CUBN: variants seen among roughly 807,000 people sequenced by gnomAD.
CUBN encodes the protein 460 kDa receptor.
A neutral mutation model predicts 405.3 loss-of-function variants in CUBN; 282 were observed. The ratio of observed to expected loss-of-function variants is 0.70; its 90% CI spans 0.63 to 0.77. CUBN has a LOEUF of 0.77. Ranked by LOEUF, CUBN falls within the 30% of genes least tolerant of loss-of-function variation. CUBN has a pLI of 0.00. For synonymous variants in CUBN, 1,684 were observed against 1,617.0 expected (o/e 1.04, Z -0.99); for missense variants, 4,514 against 4,475.2 (o/e 1.01, Z -0.25).
At chr10:16,830,457 C>CT (rs1173102685) in intron 65 of CUBN, among the ~76,000 whole-genome samples, 1 of 152,084 alleles carries the variant, frequency 6.6e-6, no homozygotes. Flanking sequence ...ATTGACATGA[C>CT]TTAAATTTTC....
At chr10:17,017,016 T>C (rs1207592447) in intron 28 of CUBN, among the ~76,000 whole-genome samples, 2 of 152,118 alleles carry the variant, frequency 1.3e-5, no homozygotes, top group Admixed American at 6.5e-5. Flanking sequence ...GGCCAGGCCA[T>C]AGTGCAGAAA....
intron 4 of CUBN, among the ~76,000 whole-genome samples, chr10:17,124,474 G>C (rs1200980393): frequency 2.0e-5 from 3 of 151,388 alleles, no homozygotes; most frequent in East Asian, 1.9e-4. Flanking sequence ...TGTCGCCCAG[G>C]CTGGAGTGCA....
At chr10:17,085,363 C>G (rs999957977) in intron 16 of CUBN, among the ~76,000 whole-genome samples, 2 of 152,126 alleles carry the variant, frequency 1.3e-5, no homozygotes, top group African/African-American at 4.8e-5. Context: ...CCTCATACAT[C>G]TTTATCATGA....
chr10:16,876,633 T>C (rs1353303119), intron 57 of CUBN, among the ~76,000 whole-genome samples: 1 of 152,202 alleles, frequency 6.6e-6, no homozygotes, highest in Non-Finnish European at 1.5e-5. Flanking sequence ...AGCAGTAGTA[T>C]TTATTTAAAT....
chr10:17,111,943 T>C (rs1479061348), intron 8 of CUBN, among the ~76,000 whole-genome samples: 3 of 152,160 alleles, frequency 2.0e-5, no homozygotes, highest in South Asian at 4.1e-4. Context: ...GTTAAAATCA[T>C]ATGGAGGATT....
chr10:16,987,882 C>T (rs1833471468), intron 29 of CUBN, among the ~76,000 whole-genome samples: 1 of 152,160 alleles, frequency 6.6e-6, no homozygotes. Context: ...AAAACTTTCC[C>T]CAAATATTTA....
intron 58 of CUBN, among the ~76,000 whole-genome samples, chr10:16,873,949 C>T (rs1356059933): frequency 1.3e-5 from 2 of 152,256 alleles, no homozygotes; most frequent in East Asian, 3.9e-4. Context: ...ATATATACCT[C>T]ATATGACTGT....
rs116567140 is a variant in CUBN, at chr10:17,101,731, G to A, written c.1530+1394C>T. 2.7e-3 allele frequency among the ~76,000 whole-genome samples: 415 copies of A among 152,120 alleles called. 4 individuals carry two copies. The highest frequency in any genetic ancestry group is 9.2e-3 in the African/African-American group (381 of 41,484). On this transcript the variant is annotated intron_variant, in intron 13 of 66. Coordinates refer to ENST00000377833, the MANE Select transcript of CUBN (RefSeq NM_001081.4). ...TTAATTTGAAGAGCGTTCACGGAGC[G>A]GCTCAGAGTGACAGGCTGTGGAGGT...
Position 16,876,968 on chromosome 10 carries a change from G to A in CUBN, c.9035C>T (p.Pro3012Leu), listed in dbSNP as rs143741363. 3.7e-5 allele frequency: 59 copies of A among 1,614,132 alleles called. No homozygotes were observed. The African/African-American group carries it at 4.7e-4, about 13-fold the overall frequency. ...EMPAPLTIAG[P>L]VLLNFYSNEQ... is the part of the protein sequence containing the mutation. ...GTTGGAGTAGAAGTTAAGCAGAACC[G>A]GCCCAGCGATGGTGAGGGGAGCTGG... Residue 3012 changes from proline to leucine, a missense_variant, in exon 57 of 67, where the codon CCG becomes CTG. Physicochemically the swap from Pro to Leu is moderately conservative, Grantham distance 98. Around this residue, in one of 5 missense-constraint regions of CUBN, gnomAD observed 1,186 missense variants for 1,186.9 expected, o/e 1.00. Coordinates refer to ENST00000377833, the MANE Select transcript of CUBN (RefSeq NM_001081.4).
intron 26 of CUBN, among the ~76,000 whole-genome samples, chr10:17,042,858 AC>A (rs1356349065): frequency 6.6e-6 from 1 of 152,150 alleles, no homozygotes; most frequent in African/African-American, 2.4e-5. Context: ...TAATTTTGTG[AC>A]TTTTAATTCC....
chr10:16,874,456 C>T lies in CUBN; in HGVS notation c.9154G>A (p.Ala3052Thr). 1 of 1,614,082 alleles carries T rather than the reference C, an allele frequency of 6.2e-7. No individual in the cohort carries two copies. Among genetic ancestry groups the T allele is most frequent in the Non-Finnish European group, 8.5e-7 (1 of 1,179,952 alleles). Residue 3052 changes from alanine (A) to threonine (T), a missense_variant, in exon 58 of 67, where the codon GCC becomes ACC. Transcript: ENST00000377833. ...NFSSGIITSP[A>T]YSYADYPNDM... The stretch of plus-strand genomic sequence containing the variant: ...TTTGGGTAGTCTGCGTATGAATAGG[C>T]AGGACTTGTGATGATTCCAGAAGAG...
rs1476161200 is a variant in CUBN, at chr10:17,123,648, A to C, written c.429T>G (p.Asn143Lys). 5 of 1,613,986 alleles carry C rather than the reference A, an allele frequency of 3.1e-6. No individual in the cohort carries two copies. The highest frequency in any genetic ancestry group is 3.4e-6 in the Non-Finnish European group (4 of 1,180,020). Residue 143 changes from asparagine (N) to lysine (K), a missense_variant, in exon 5 of 67, where the codon AAT (asparagine) becomes AAG (lysine). Asn to Lys is a moderately conservative substitution (Grantham distance 94). Around this residue, in one of 5 missense-constraint regions of CUBN, gnomAD observed 1,448 missense variants for 1,388.0 expected, o/e 1.04. Transcript: ENST00000377833. ...CATGCAGATTGAGGCAGGTTCCACC[A>C]TTCTGGCAAGGATTGCTGCTGCAAA... ...KKVCSSNPCQ[N>K]GGTCLNLHDS...
chr10:16,829,039 T>C lies in CUBN; in HGVS notation c.10530A>G (p.Gly3510=). ...TGTCTCCATAAAGAGTTCCACCACA[T>C]CCTGCAAGGAAAACAGGACAGGAAG... ...YEIIWTSSPS[G]CGGTLYGDRG... Residue 3510 remains glycine, a splice_region_variant and synonymous_variant, in exon 66 of 67, where the codon GGA becomes GGG. Coordinates refer to ENST00000377833, the MANE Select transcript of CUBN (RefSeq NM_001081.4). 6.2e-7 allele frequency: 1 copy of C among 1,612,948 alleles called. No homozygotes were observed.
chr10:17,025,577 C>T (rs990360770), intron 27 of CUBN, among the ~76,000 whole-genome samples: 3 of 152,180 alleles, frequency 2.0e-5, no homozygotes, highest in Non-Finnish European at 4.4e-5. Context: ...CAAATTGTTA[C>T]TCTAACTCTT....
At chr10:17,092,456 T>G (rs1836284696) in intron 14 of CUBN, among the ~76,000 whole-genome samples, 1 of 152,074 alleles carries the variant, frequency 6.6e-6, no homozygotes, top group Non-Finnish European at 1.5e-5. Context: ...GTTTAAGGAA[T>G]TCATAGTCAC....
At chr10:17,044,088 G>A in intron 25 of CUBN, 105 bp from the exon 26 acceptor site, 2 of 294,474 alleles carry the variant, frequency 6.8e-6, no homozygotes, top group Non-Finnish European at 1.1e-5. Context: ...TATTTATTAT[G>A]TATATATATT....
chr10:17,052,906 A>AAAG (rs60877754), intron 22 of CUBN, among the ~76,000 whole-genome samples: 7,919 of 151,980 alleles, frequency 0.052, 707 homozygotes, highest in African/African-American at 0.18. Flanking sequence ...GGCACATGGA[A>AAAG]TTACACTAGT....
At position 16,864,657 on chromosome 10, in the gene CUBN, CTTTTTTTT is replaced by C. The variant is rs58100254; in HGVS notation, c.9454+4971_9454+4978del. The stretch of plus-strand genomic sequence containing the variant: ...TCTGGCCATATGTCTTTTTTTCTTT[CTTTTTTTT>C]TTTTTTTTTTAGATGGATTTTTTTG... On this transcript the variant is annotated intron_variant, in intron 59 of 66. Coordinates refer to ENST00000377833, the MANE Select transcript of CUBN (RefSeq NM_001081.4). Among the ~76,000 whole-genome samples the C allele has an allele frequency of 6.1e-3, 744 of 121,464 alleles. 8 individuals are homozygous for C. Among genetic ancestry groups the C allele is most frequent in the African/African-American group, 0.021 (721 of 33,950 alleles). 79.7% of individuals were successfully genotyped at this position (121,464 alleles called of 152,430 possible).
Position 16,920,020 on chromosome 10 carries a change from G to A in CUBN, c.6764C>T (p.Pro2255Leu), listed in dbSNP as rs368964066. ...AAATTGCAGCTGTATGCGTGTTTCC[G>A]GTGGAGCCGCTAAGATCCAAATGCA... ...ADCIWILAAPPETRIQLQFED... is the reference protein window; with the variant it reads ...ADCIWILAAPLETRIQLQFED... Residue 2255 changes from proline to leucine, a missense_variant, in exon 44 of 67, where the codon CCG becomes CTG. Physicochemically the swap from Pro to Leu is moderately conservative, Grantham distance 98. This residue lies in a region of CUBN where 1,613 missense variants were observed against 1,542.8 expected (regional missense o/e 1.05). Transcript: ENST00000377833. 58 of 1,613,900 alleles carry A rather than the reference G, an allele frequency of 3.6e-5. No homozygotes were observed. The African/African-American group carries it at 5.6e-4, about 16-fold the overall frequency.
Sources: allele counts gnomAD v4.1 joint callset (sites outside exome capture counted in the v4.1 genomes callset), GRCh38; gene constraint gnomAD v4.1.1; regional missense constraint gnomAD v4.1.1; transcripts MANE v1.5; gene names NCBI Gene and HGNC (gene_info 2026-07-23, HGNC 2026-07-21).